The following PPP5C variants were observed in gnomAD, a reference collection of about 807,000 sequenced individuals.
PPP5C encodes serine/threonine-protein phosphatase 5.
PPP5C carries 21 observed loss-of-function variants against 66.7 expected under a neutral mutation model. That is an observed-to-expected ratio of 0.31 (90% CI 0.22 to 0.45). The LOEUF is 0.45. Among genes scored for constraint, PPP5C ranks in the 20% least tolerant of loss-of-function variants. The pLI is 1.00. For synonymous variants in PPP5C, 246 were observed against 257.4 expected, an observed-to-expected ratio of 0.96 and a Z score of 0.43; for missense variants, 464 against 675.9, an observed-to-expected ratio of 0.69 and a Z score of 3.48.
At chr19:46,365,013 T>G (rs1972466434) in intron 2 of PPP5C, among the ~76,000 whole-genome samples, 1 of 152,188 alleles carries the variant, frequency 6.6e-6, no homozygotes, top group South Asian at 2.1e-4. Context: ...GATGGAGTCT[T>G]GCTCTGTCAC....
chr19:46,351,994 C>G (rs1972194737), intron 1 of PPP5C, among the ~76,000 whole-genome samples: 1 of 152,194 alleles, frequency 6.6e-6, no homozygotes, highest in Non-Finnish European at 1.5e-5. Context: ...GGCCACATCC[C>G]CAGGACCCGG....
chr19:46,371,055 C>T (rs1163972752), intron 2 of PPP5C, among the ~76,000 whole-genome samples: 1 of 151,910 alleles, frequency 6.6e-6, no homozygotes, highest in Non-Finnish European at 1.5e-5. Context: ...GTGTGTGTCT[C>T]TCTCATTAGT....
chr19:46,371,539 A>G (rs534930973), intron 2 of PPP5C, among the ~76,000 whole-genome samples: 1 of 152,208 alleles, frequency 6.6e-6, no homozygotes, highest in Admixed American at 6.5e-5. Context: ...GAGGTTGCAC[A>G]GCCAGGAGGT....
At chr19:46,364,521 T>A (rs1231032728) in intron 2 of PPP5C, among the ~76,000 whole-genome samples, 1 of 152,186 alleles carries the variant, frequency 6.6e-6, no homozygotes, top group Non-Finnish European at 1.5e-5. Context: ...ATCAAGGAGT[T>A]TGCTTTGGGA....
chr19:46,382,999 A>G, intron 4 of PPP5C: 1 of 1,101,616 alleles, frequency 9.1e-7, no homozygotes, highest in Non-Finnish European at 1.1e-6. Flanking sequence ...AGTGTTGCCT[A>G]TGACCTGCCT....
Position 46,376,365 on chromosome 19 carries a change from A to C in PPP5C, c.512-88A>C. Reference sequence around the variant, plus strand: ...CTCTCGACCTGTGTGTCCACACCCAAGTTTTCCCCATCCCTGGGAGCGAGA... The same window carrying C: ...CTCTCGACCTGTGTGTCCACACCCACGTTTTCCCCATCCCTGGGAGCGAGA... On this transcript the variant is annotated intron_variant, in intron 3 of 12. Coordinates refer to ENST00000012443, the MANE Select transcript of PPP5C (RefSeq NM_006247.4). This position sits in a 1 kb window ranked among gnomAD's most constrained non-coding sequence, Gnocchi z 5.1. 1 of 1,535,456 alleles carries C rather than the reference A, an allele frequency of 6.5e-7. No homozygotes were observed. Among genetic ancestry groups the C allele is most frequent in the Non-Finnish European group, 8.9e-7 (1 of 1,126,962 alleles).
chr19:46,371,707 C>T (rs1972596323), intron 2 of PPP5C, among the ~76,000 whole-genome samples: 1 of 152,294 alleles, frequency 6.6e-6, no homozygotes, highest in Non-Finnish European at 1.5e-5. Context: ...ACTCATTCAC[C>T]AGAAACTAAC....
rs1972926486 is a variant in PPP5C at position 46,388,266 on chromosome 19, T to C, written c.1136-142T>C. On this transcript the variant is annotated intron_variant, in intron 9 of 12. Coordinates refer to ENST00000012443, the MANE Select transcript of PPP5C (RefSeq NM_006247.4). This position sits in a 1 kb window ranked among gnomAD's most constrained non-coding sequence, Gnocchi z 4.9. ...CACAGTCACCTGTCCTGAATGTCCA[T>C]GTCCATGCTGGATGTCCCCTGCCCA... The C allele has an allele frequency of 3.5e-6, 3 of 846,538 alleles. No individual in the cohort carries two copies. Among genetic ancestry groups the C allele is most frequent in the Admixed American group, 5.8e-5 (2 of 34,356 alleles). 52.4% of individuals were successfully genotyped at this position (846,538 alleles called of 1,614,324 possible).
chr19:46,383,218 G>T lies in PPP5C; in HGVS notation c.634-193G>T, dbSNP rs1398848805. The T allele has an allele frequency of 6.5e-7, 1 of 1,535,770 alleles. No homozygotes were observed. The highest frequency in any genetic ancestry group is 8.7e-7 in the Non-Finnish European group (1 of 1,144,280). ...AATCGCAATGCTTCGGCACTGCACA[G>T]GCCACAGAAGCCTGCGGCTGCCTCC... On this transcript the variant is annotated intron_variant, in intron 4 of 12. Coordinates refer to ENST00000012443, the MANE Select transcript of PPP5C (RefSeq NM_006247.4). The surrounding 1 kb of genome is among the most constrained non-coding windows in gnomAD (Gnocchi z 5.0).
chr19:46,359,597 C>T (rs1376230317), intron 2 of PPP5C, among the ~76,000 whole-genome samples: 1 of 152,042 alleles, frequency 6.6e-6, no homozygotes, highest in Non-Finnish European at 1.5e-5. Context: ...ACTGAAGCAT[C>T]ATTTTTCCTT....
At chr19:46,390,008 C>T in intron 11 of PPP5C, 43 bp from the exon 12 acceptor site, 3 of 1,591,496 alleles carry the variant, frequency 1.9e-6, no homozygotes, top group Non-Finnish European at 2.6e-6. Context: ...ACCAGCCCCA[C>T]CCAGCCCTGA....
At position 46,376,667 on chromosome 19, in the gene PPP5C, G is replaced by A. The variant is rs149319032; in HGVS notation, c.633+93G>A. On this transcript the variant is annotated intron_variant, in intron 4 of 12. Coordinates refer to ENST00000012443, the MANE Select transcript of PPP5C (RefSeq NM_006247.4). The surrounding 1 kb of genome is among the most constrained non-coding windows in gnomAD (Gnocchi z 5.1). ...GGCACTGAGCAAAACGACAGGAGAA[G>A]GGCGGCCATGACAGCCAACACCAAA... 1,428 of 1,527,616 alleles carry A rather than the reference G, an allele frequency of 9.3e-4. 12 individuals are homozygous for A. In the African/African-American group the frequency reaches 0.018, roughly 19 times the overall value. The allele number at this position is 1,527,616 out of a possible 1,614,324, so 94.6% of individuals were successfully genotyped here.
chr19:46,390,564 G>T lies in PPP5C; in HGVS notation c.*218G>T. The T allele has an allele frequency of 7.1e-7, 1 of 1,403,638 alleles. No individual in the cohort carries two copies. The highest frequency in any genetic ancestry group is 2.6e-5 in the East Asian group (1 of 38,098). The allele number at this position is 1,403,638 out of a possible 1,614,324, so 86.9% of individuals were successfully genotyped here. ...TCCCTGGACAGAGAGGAAGGAGGTG[G>T]AGCAGCTGGGGCTGGGGGCACAGCC... On this transcript the variant is annotated 3_prime_UTR_variant, in exon 13 of 13. Transcript: ENST00000012443.
At position 46,388,506 on chromosome 19, in the gene PPP5C, C is replaced by A; in HGVS notation, c.1177-47C>A. On this transcript the variant is annotated intron_variant, in intron 10 of 12. Transcript: ENST00000012443. This position sits in a 1 kb window ranked among gnomAD's most constrained non-coding sequence, Gnocchi z 4.9. ...TGTGGGCTGTGGCAGCAGGTGGAGG[C>A]AGACAGTCACCCTGAACCCCTGTCT... The A allele has an allele frequency of 6.2e-7, 1 of 1,609,932 alleles. No homozygotes were observed. The highest frequency in any genetic ancestry group is 8.5e-7 in the Non-Finnish European group (1 of 1,177,066).
rs549055949 is a variant in PPP5C, at chr19:46,372,758, C to T, written c.364-2846C>T. Among the ~76,000 whole-genome samples the T allele has an allele frequency of 9.8e-5, 15 of 152,308 alleles. No homozygotes were observed. The South Asian group carries it at 3.1e-3, about 32-fold the overall frequency. ...CAGTTTTCCCTAAAGGTATATCTGG[C>T]ATAACTACATAAATATCACAGTCAG... On this transcript the variant is annotated intron_variant, in intron 2 of 12. Coordinates refer to ENST00000012443, the MANE Select transcript of PPP5C (RefSeq NM_006247.4).
chr19:46,385,310 A>C (rs970624017), intron 7 of PPP5C, among the ~76,000 whole-genome samples: 1 of 152,112 alleles, frequency 6.6e-6, no homozygotes, highest in African/African-American at 2.4e-5. Flanking sequence ...GTGCCCCCTC[A>C]GATTCAGGCT....
chr19:46,375,531 G>C (rs534179125), intron 2 of PPP5C, 73 bp from the exon 3 acceptor site: 1 of 1,575,590 alleles, frequency 6.3e-7, no homozygotes, highest in East Asian at 2.3e-5. Context: ...GGAACCCAGG[G>C]CTGGGCAGCC....
intron 2 of PPP5C, among the ~76,000 whole-genome samples, chr19:46,359,709 A>G (rs533545523): frequency 6.6e-6 from 1 of 151,706 alleles, no homozygotes; most frequent in Admixed American, 6.6e-5. Context: ...GTACAGCAAG[A>G]TTAGTGACTG....
chr19:46,377,421 A>G (rs964431040), intron 4 of PPP5C, among the ~76,000 whole-genome samples: 5 of 152,234 alleles, frequency 3.3e-5, no homozygotes, highest in African/African-American at 9.6e-5. Context: ...TGCCTAGCAC[A>G]TGGTTAGTGC....
Sources: gnomAD v4.1 joint callset for allele counts (sites outside exome capture counted in the v4.1 genomes callset) on GRCh38, gnomAD v4.1.1 for gene constraint, Gnocchi (gnomAD v3.1) non-coding constraint, MANE v1.5 for transcripts, NCBI Gene and HGNC (gene_info 2026-07-23, HGNC 2026-07-21) for gene names.